ZMAT4: variants seen among roughly 807,000 people sequenced by gnomAD.
The protein encoded by ZMAT4 is zinc finger matrin-type protein 4.
ZMAT4 carries 17 observed loss-of-function variants against 28.7 expected under a neutral mutation model. The ratio of observed to expected loss-of-function variants is 0.59; its 90% CI spans 0.41 to 0.89. ZMAT4 has a LOEUF of 0.89. Among genes scored for constraint, ZMAT4 ranks in the 40% least tolerant of loss-of-function variants. The pLI is 0.00. For synonymous variants in ZMAT4, 117 were observed against 109.2 expected, an observed-to-expected ratio of 1.07 and a Z score of -0.44; for missense variants, 240 against 283.8, an observed-to-expected ratio of 0.85 and a Z score of 1.11.
intron 4 of ZMAT4, among the ~76,000 whole-genome samples, 200 bp from the exon 5 acceptor site, chr8:40,675,131 G>C (rs1808856890): frequency 6.6e-6 from 1 of 152,140 alleles, no homozygotes; most frequent in African/African-American, 2.4e-5. Flanking sequence ...AATGTATTGA[G>C]ATCAGAGTTT....
At chr8:40,607,859 G>A (rs1038956234) in intron 5 of ZMAT4, among the ~76,000 whole-genome samples, 2 of 152,124 alleles carry the variant, frequency 1.3e-5, no homozygotes, top group African/African-American at 2.4e-5. Context: ...GGGTGTGTCT[G>A]CAAAGAGTCC....
chr8:40,818,100 C>T (rs1390773614), intron 2 of ZMAT4, among the ~76,000 whole-genome samples: 3 of 152,194 alleles, frequency 2.0e-5, no homozygotes, highest in Admixed American at 1.3e-4. Context: ...AACAACTGCT[C>T]TTAGCCGTGT....
chr8:40,795,876 C>G (rs1447386393), intron 2 of ZMAT4, among the ~76,000 whole-genome samples: 1 of 152,178 alleles, frequency 6.6e-6, no homozygotes, highest in Non-Finnish European at 1.5e-5. Context: ...AGTTTTGGTC[C>G]CTTCCTGTTA....
chr8:40,542,141 T>C (rs2118383026), intron 6 of ZMAT4, among the ~76,000 whole-genome samples: 1 of 152,100 alleles, frequency 6.6e-6, no homozygotes, highest in South Asian at 2.1e-4. Flanking sequence ...AGAAGCACTG[T>C]ATGTGGTAGG....
At chr8:40,551,135 T>C (rs1803358732) in intron 6 of ZMAT4, among the ~76,000 whole-genome samples, 1 of 152,182 alleles carries the variant, frequency 6.6e-6, no homozygotes, top group African/African-American at 2.4e-5. Context: ...TAATGGTTCT[T>C]TAGTGACTAG....
chr8:40,613,784 G>C (rs970042422), intron 5 of ZMAT4, among the ~76,000 whole-genome samples: 1 of 152,188 alleles, frequency 6.6e-6, no homozygotes, highest in African/African-American at 2.4e-5. Flanking sequence ...TTCTGAACTT[G>C]AGGGAATCAC....
At chr8:40,534,614 C>CATATATGA (rs1802789301) in intron 6 of ZMAT4, among the ~76,000 whole-genome samples, 1 of 149,058 alleles carries the variant, frequency 6.7e-6, no homozygotes, top group Non-Finnish European at 1.5e-5. Flanking sequence ...TTCTTTTTGA[C>CATATATGA]ATATATGAAA....
chr8:40,553,904 T>A (rs1376618682), intron 6 of ZMAT4, among the ~76,000 whole-genome samples: 1 of 152,192 alleles, frequency 6.6e-6, no homozygotes, highest in Non-Finnish European at 1.5e-5. Flanking sequence ...TTATTTCATT[T>A]AATCATCACA....
intron 4 of ZMAT4, among the ~76,000 whole-genome samples, chr8:40,686,796 G>A (rs1481066761): frequency 6.6e-6 from 1 of 151,948 alleles, no homozygotes; most frequent in Non-Finnish European, 1.5e-5. Context: ...AATAAAATGG[G>A]GCCAGTGGTT....
intron 6 of ZMAT4, among the ~76,000 whole-genome samples, chr8:40,567,273 G>A (rs1033171442): frequency 6.6e-6 from 1 of 152,086 alleles, no homozygotes; most frequent in East Asian, 1.9e-4. Context: ...TACTCTAAAA[G>A]CTAAAGAAAA....
At position 40,601,495 on chromosome 8, in the gene ZMAT4, G is replaced by GAAAGAA. The variant is rs1563360151; in HGVS notation, c.578-20235_578-20234insTTCTTT. On this transcript the variant is annotated intron_variant, in intron 5 of 6. Transcript: ENST00000297737. ...AAAGAAAGAAAGAAAGAAAGAAAGA[G>GAAAGAA]AGAAAGAAAGAAAGAGAAAGAGAAA... Among the ~76,000 whole-genome samples the GAAAGAA allele has an allele frequency of 2.7e-4, 26 of 97,068 alleles. 2 individuals carry two copies. Among genetic ancestry groups the GAAAGAA allele is most frequent in the Admixed American group, 4.7e-4 (4 of 8,578 alleles). The allele number at this position is 97,068 out of a possible 152,430, so 63.7% of individuals were successfully genotyped here.
At chr8:40,636,281 A>G (rs1806789313) in intron 5 of ZMAT4, among the ~76,000 whole-genome samples, 1 of 152,232 alleles carries the variant, frequency 6.6e-6, no homozygotes, top group African/African-American at 2.4e-5. Flanking sequence ...AATGGACTGC[A>G]ATTGAAAAAC....
At chr8:40,747,332 C>T (rs1812283288) in intron 3 of ZMAT4, among the ~76,000 whole-genome samples, 1 of 152,098 alleles carries the variant, frequency 6.6e-6, no homozygotes, top group Non-Finnish European at 1.5e-5. Flanking sequence ...CGCCCATGAT[C>T]TCCCAGCCTT....
chr8:40,678,093 C>T (rs1585864604), intron 4 of ZMAT4, among the ~76,000 whole-genome samples: 1 of 152,228 alleles, frequency 6.6e-6, no homozygotes, highest in South Asian at 2.1e-4. Context: ...ATGTTGAGAA[C>T]AAATGATCTA....
intron 4 of ZMAT4, among the ~76,000 whole-genome samples, chr8:40,685,203 A>T (rs752653125): frequency 1.2e-4 from 19 of 152,100 alleles, no homozygotes; most frequent in Non-Finnish European, 2.5e-4. Flanking sequence ...AGATGGGGCT[A>T]CTCTGCTCCA....
intron 5 of ZMAT4, among the ~76,000 whole-genome samples, chr8:40,598,676 G>A (rs551974411): frequency 1.2e-4 from 19 of 152,028 alleles, no homozygotes; most frequent in Admixed American, 2.0e-4. Flanking sequence ...ATAAACATAC[G>A]TTGCACAATG....
intron 6 of ZMAT4, among the ~76,000 whole-genome samples, chr8:40,571,830 T>A (rs577121036): frequency 1.2e-4 from 19 of 152,262 alleles, no homozygotes; most frequent in Non-Finnish European, 2.5e-4. Context: ...TATTTTCTTA[T>A]GGCCTGTTAT....
chr8:40,731,930 T>A (rs1261577766), intron 3 of ZMAT4, among the ~76,000 whole-genome samples: 1 of 152,152 alleles, frequency 6.6e-6, no homozygotes, highest in African/African-American at 2.4e-5. Flanking sequence ...GAAACATGGA[T>A]GAAACTTGTG....
chr8:40,753,199 G>C (rs1308628576), intron 3 of ZMAT4, among the ~76,000 whole-genome samples: 1 of 152,020 alleles, frequency 6.6e-6, no homozygotes, highest in Admixed American at 6.6e-5. Flanking sequence ...ATGGTTTCCA[G>C]CTTCATCCAT....
Sources: gnomAD v4.1 joint callset for allele counts (sites outside exome capture counted in the v4.1 genomes callset) on GRCh38, gnomAD v4.1.1 for gene constraint, MANE v1.5 for transcripts, NCBI Gene and HGNC (gene_info 2026-07-23, HGNC 2026-07-21) for gene names.